The following CADM2 variants were observed in gnomAD, a reference collection of about 807,000 sequenced individuals.
The protein encoded by CADM2 is cell adhesion molecule 2.
Under a neutral mutation model 49.8 loss-of-function variants are expected in CADM2, and 12 were observed. The ratio of observed to expected loss-of-function variants is 0.24; its 90% confidence interval spans 0.15 to 0.39. The LOEUF is 0.39. Ranked by LOEUF, CADM2 falls within the 10% of genes least tolerant of loss-of-function variation. The pLI is 1.00. For synonymous variants in CADM2, 214 were observed against 175.4 expected, an observed-to-expected ratio of 1.22 and a Z score of -1.74; for missense variants, 378 against 492.3, an observed-to-expected ratio of 0.77 and a Z score of 2.20.
rs546235398 is a variant in CADM2 at position 86,071,250 on chromosome 3, C to A, written c.*4467C>A. 9.2e-5 allele frequency: 14 copies of A among 151,914 alleles called. No homozygotes were observed. In the South Asian group the frequency reaches 2.7e-3, roughly 29 times the overall value. The allele number at this position is 151,914 out of a possible 1,614,324, so 9.4% of individuals were successfully genotyped here. ...AGTACAAATGTATTCAATGAAAGAA[C>A]ATAGGGTAGTTTTAATAGTTAAAGT... On this transcript the variant is annotated 3_prime_UTR_variant, in exon 10 of 10. Transcript: ENST00000383699.
chr3:85,401,703 C>A (rs563605054), intron 1 of CADM2, among the ~76,000 whole-genome samples: 53 of 152,216 alleles, frequency 3.5e-4, no homozygotes, highest in Admixed American at 3.0e-3. Flanking sequence ...ACCCTGTAGT[C>A]CTCTCTCCTG....
At chr3:86,065,389 T>C (rs186947117) in intron 8 of CADM2, among the ~76,000 whole-genome samples, 1 of 152,350 alleles carries the variant, frequency 6.6e-6, no homozygotes, top group East Asian at 1.9e-4. Context: ...TTCCTTAAAA[T>C]GTAAGCTCAA....
intron 3 of CADM2, among the ~76,000 whole-genome samples, chr3:85,831,312 G>A (rs2074177547): frequency 6.6e-6 from 1 of 151,800 alleles, no homozygotes; most frequent in Non-Finnish European, 1.5e-5. Context: ...TATGACTTTT[G>A]GTAGAATGAT....
chr3:85,689,524 G>A (rs73845621), intron 1 of CADM2, among the ~76,000 whole-genome samples: 23,116 of 152,014 alleles, frequency 0.15, 1,928 homozygotes, highest in African/African-American at 0.2. Flanking sequence ...TGATCAGGAC[G>A]GTTTACCAGA....
chr3:84,959,528 G>C lies in CADM2; in HGVS notation c.-80G>C. 1 of 1,363,150 alleles carries C rather than the reference G, an allele frequency of 7.3e-7. No individual in the cohort carries two copies. Among genetic ancestry groups the C allele is most frequent in the Non-Finnish European group, 1.0e-6 (1 of 992,300 alleles). The allele number at this position is 1,363,150 out of a possible 1,614,324, so 84.4% of individuals were successfully genotyped here. On this transcript the variant is annotated 5_prime_UTR_variant, in exon 1 of 10. Transcript: ENST00000383699. Reference sequence around the variant, plus strand: ...CGGGCGCCGGGAGGAGGACACCAGCGGAGCCCTGCACTCTCGTGCCCCGCT... The same window carrying C: ...CGGGCGCCGGGAGGAGGACACCAGCCGAGCCCTGCACTCTCGTGCCCCGCT...
chr3:85,907,629 G>C (rs144055832), intron 5 of CADM2, among the ~76,000 whole-genome samples: 29 of 152,228 alleles, frequency 1.9e-4, no homozygotes, highest in African/African-American at 2.6e-4. Flanking sequence ...TGAAGGTATT[G>C]GCTGGACACG....
At chr3:85,650,126 T>C (rs969757761) in intron 1 of CADM2, among the ~76,000 whole-genome samples, 1 of 152,128 alleles carries the variant, frequency 6.6e-6, no homozygotes, top group Admixed American at 6.5e-5. Context: ...TTCAATTAAG[T>C]AAATGTTCTA....
At chr3:85,362,690 C>T (rs2032446963) in intron 1 of CADM2, among the ~76,000 whole-genome samples, 1 of 152,024 alleles carries the variant, frequency 6.6e-6, no homozygotes, top group Admixed American at 6.6e-5. Flanking sequence ...ACTTGTGCTC[C>T]CATTTAATCA....
At chr3:85,827,390 TTGTAGTAA>T (rs1474474750) in intron 3 of CADM2, among the ~76,000 whole-genome samples, 13 of 151,924 alleles carry the variant, frequency 8.6e-5, no homozygotes, top group Admixed American at 8.6e-4. Context: ...TTTCAGGTGC[TTGTAGTAA>T]TGTATATACA....
At chr3:85,074,250 T>G (rs2036861529) in intron 1 of CADM2, among the ~76,000 whole-genome samples, 1 of 152,102 alleles carries the variant, frequency 6.6e-6, no homozygotes, top group South Asian at 2.1e-4. Context: ...TTGCCTACGA[T>G]GCTATTCGTC....
chr3:85,810,572 C>T (rs2072803481), intron 3 of CADM2, among the ~76,000 whole-genome samples: 2 of 124,456 alleles, frequency 1.6e-5, no homozygotes, highest in South Asian at 2.8e-4. Context: ...CTAAGTCTCA[C>T]TTCGTCACCC....
At chr3:85,532,924 T>G (rs2061347197) in intron 1 of CADM2, among the ~76,000 whole-genome samples, 2 of 152,142 alleles carry the variant, frequency 1.3e-5, no homozygotes, top group African/African-American at 4.8e-5. Context: ...AAATACCACA[T>G]GTTCTCACTT....
intron 1 of CADM2, among the ~76,000 whole-genome samples, chr3:84,996,324 A>G (rs2033176617): frequency 6.6e-6 from 1 of 152,128 alleles, no homozygotes; most frequent in South Asian, 2.1e-4. Context: ...TGAAGAAACA[A>G]TAATATGTTT....
intron 1 of CADM2, among the ~76,000 whole-genome samples, chr3:85,261,987 C>A (rs1263262800): frequency 1.3e-5 from 2 of 152,064 alleles, no homozygotes; most frequent in Non-Finnish European, 2.9e-5. Context: ...AGGTGAGACA[C>A]TTCCACATCT....
In CADM2 at chr3:84,995,701, A is replaced by T. The variant is rs1000365646; in HGVS notation, c.61+36033A>T. On this transcript the variant is annotated intron_variant, in intron 1 of 9. Transcript: ENST00000383699. The stretch of plus-strand genomic sequence containing the variant: ...CTACAAAAGAGATTACTTGCCTACA[A>T]AAGAGATTAATATTATTCTATTTAT... 1.2e-4 allele frequency among the ~76,000 whole-genome samples: 19 copies of T among 152,308 alleles called. 1 individual carries two copies. The East Asian group carries it at 3.7e-3, about 29-fold the overall frequency.
chr3:86,015,217 T>C (rs1002809349), intron 8 of CADM2: 2 of 301,512 alleles, frequency 6.6e-6, no homozygotes, highest in East Asian at 6.6e-5. Context: ...TCTTTGCCTA[T>C]AGAACTCCAT....
chr3:85,054,123 G>A (rs1463473672), intron 1 of CADM2, among the ~76,000 whole-genome samples: 1 of 151,838 alleles, frequency 6.6e-6, no homozygotes, highest in Non-Finnish European at 1.5e-5. Context: ...AAGGTTCTTT[G>A]AATTAAAAAC....
intron 1 of CADM2, among the ~76,000 whole-genome samples, chr3:85,108,716 G>A (rs893453348): frequency 2.0e-5 from 3 of 151,750 alleles, no homozygotes; most frequent in Non-Finnish European, 4.4e-5. Flanking sequence ...AAATAAAATG[G>A]CAGATTAAGA....
chr3:85,843,448 C>A lies in CADM2; in HGVS notation c.239-39843C>A, dbSNP rs147194230. On this transcript the variant is annotated intron_variant, in intron 3 of 9. Transcript: ENST00000383699. ...AGTTACAATAGGATATATGGTGATT[C>A]TTTAACTTTTATCATTAAGCAAGAT... 7.2e-3 allele frequency among the ~76,000 whole-genome samples: 1,093 copies of A among 151,222 alleles called. 57 individuals are homozygous for A. The highest frequency in any genetic ancestry group is 0.063 in the Admixed American group (948 of 15,072).
Sources: gnomAD v4.1 joint callset for allele counts (sites outside exome capture counted in the v4.1 genomes callset) on GRCh38, gnomAD v4.1.1 for gene constraint, MANE v1.5 for transcripts, NCBI Gene and HGNC (gene_info 2026-07-23, HGNC 2026-07-21) for gene names.